The following LARP1 variants were observed in gnomAD, a reference collection of about 807,000 sequenced individuals.
LARP1 encodes la-related protein 1.
In LARP1, 36 loss-of-function variants were observed where a neutral mutation model predicts 122.7. That is an observed-to-expected ratio of 0.29 (90% CI 0.22 to 0.39). The LOEUF is 0.39. Among genes scored for constraint, LARP1 ranks in the 10% least tolerant of loss-of-function variants. The pLI is 1.00. For synonymous variants in LARP1, 539 were observed against 528.7 expected, an observed-to-expected ratio of 1.02 and a Z score of -0.27; for missense variants, 1,040 against 1,403.6, an observed-to-expected ratio of 0.74 and a Z score of 4.14.
Position 154,803,200 on chromosome 5 carries a change from C to T in LARP1, c.2110-90C>T. 2 of 1,564,272 alleles carry T rather than the reference C, an allele frequency of 1.3e-6. No individual in the cohort carries two copies. The highest frequency in any genetic ancestry group is 1.8e-6 in the Non-Finnish European group (2 of 1,139,386). On this transcript the variant is annotated intron_variant, in intron 11 of 18. Coordinates refer to ENST00000518297, the MANE Select transcript of LARP1 (RefSeq NM_033551.3). This position sits in a 1 kb window ranked among gnomAD's most constrained non-coding sequence, Gnocchi z 4.4. ...CGTATGTCGACGTGGGAGCTGCCCT[C>T]TCCAACTTCCTGCCAGTCTTGATTC...
intron 1 of LARP1, among the ~76,000 whole-genome samples, chr5:154,702,714 A>T (rs1042385794): frequency 6.6e-6 from 1 of 152,186 alleles, no homozygotes; most frequent in African/African-American, 2.4e-5. Context: ...ACATCCACTT[A>T]TTTGTCCTCT....
At chr5:154,790,196 A>C (rs1757231164) in intron 1 of LARP1, 129 bp from the exon 2 acceptor site, 1 of 690,174 alleles carries the variant, frequency 1.4e-6, no homozygotes, top group Admixed American at 2.5e-5. Context: ...TCCCCTCTCT[A>C]CTGTGTCTTT....
chr5:154,799,946 A>C lies in LARP1; in HGVS notation c.1620A>C (p.Thr540=). The C allele has an allele frequency of 6.2e-7, 1 of 1,614,136 alleles. No individual in the cohort carries two copies. Among genetic ancestry groups the C allele is most frequent in the Non-Finnish European group, 8.5e-7 (1 of 1,180,004 alleles). Residue 540 remains threonine, a synonymous_variant, in exon 10 of 19, where the codon ACA becomes ACC. Coordinates refer to ENST00000518297, the MANE Select transcript of LARP1 (RefSeq NM_033551.3). The part of the protein sequence containing the change: ...TKTEEVSNLK[T]LPKGLSASLP... ...CAGAGGAGGTCAGCAACCTAAAGAC[A>C]CTACCCAAGGGCCTGTCTGCCAGCC...
chr5:154,766,987 A>G (rs1443179369), intron 1 of LARP1, among the ~76,000 whole-genome samples: 3 of 152,230 alleles, frequency 2.0e-5, no homozygotes, highest in African/African-American at 7.2e-5. Context: ...CAGAAAGGAA[A>G]TAGGAGTTGT....
intron 10 of LARP1, among the ~76,000 whole-genome samples, 198 bp from the exon 11 acceptor site, chr5:154,801,809 T>A (rs1402241076): frequency 6.6e-6 from 1 of 152,222 alleles, no homozygotes. Context: ...TGGAGGAACC[T>A]GGACTTCTAT....
At chr5:154,775,739 G>GA (rs1755824811) in intron 1 of LARP1, among the ~76,000 whole-genome samples, 2 of 152,192 alleles carry the variant, frequency 1.3e-5, no homozygotes, top group Admixed American at 1.3e-4. Flanking sequence ...GCTTGATCTG[G>GA]AGCCTTTTGG....
intron 1 of LARP1, among the ~76,000 whole-genome samples, chr5:154,745,142 G>C (rs2113480910): frequency 6.6e-6 from 1 of 150,862 alleles, no homozygotes; most frequent in Admixed American, 6.6e-5. Flanking sequence ...TAGCCAGGAT[G>C]GTCTCGATCT....
intron 1 of LARP1, among the ~76,000 whole-genome samples, chr5:154,730,147 A>C (rs1358328233): frequency 6.6e-6 from 1 of 152,190 alleles, no homozygotes; most frequent in African/African-American, 2.4e-5. Flanking sequence ...TCCTACTTTT[A>C]TGACTTTCTT....
chr5:154,794,833 C>T (rs116193743), intron 7 of LARP1, among the ~76,000 whole-genome samples: 1,785 of 152,236 alleles, frequency 0.012, 6 homozygotes, highest in Non-Finnish European at 0.017. Context: ...GGAAGTCATA[C>T]AAGAAAATAA....
intron 3 of LARP1, among the ~76,000 whole-genome samples, chr5:154,791,510 C>T (rs1757354014): frequency 6.6e-6 from 1 of 152,220 alleles, no homozygotes; most frequent in African/African-American, 2.4e-5. Context: ...TCCCCAGCCC[C>T]CTAGCCTCTG....
chr5:154,812,505 G>GCCCCC (rs36105801), intron 18 of LARP1, among the ~76,000 whole-genome samples: 21 of 58,950 alleles, frequency 3.6e-4, no homozygotes, highest in African/African-American at 4.5e-4. Context: ...GGAAGTAAAA[G>GCCCCC]CCCCCCCCCC....
intron 1 of LARP1, among the ~76,000 whole-genome samples, chr5:154,734,392 T>C (rs1455007206): frequency 6.6e-6 from 1 of 152,182 alleles, no homozygotes; most frequent in Non-Finnish European, 1.5e-5. Context: ...TGAATTTTAA[T>C]TGTTTTAATA....
chr5:154,688,282 T>G (rs960944579), intron 1 of LARP1, among the ~76,000 whole-genome samples: 1 of 152,150 alleles, frequency 6.6e-6, no homozygotes, highest in Non-Finnish European at 1.5e-5. Context: ...AGTTTATTTT[T>G]TCTACATTTG....
intron 1 of LARP1, among the ~76,000 whole-genome samples, chr5:154,698,468 G>A (rs1754573148): frequency 6.6e-6 from 1 of 152,048 alleles, no homozygotes; most frequent in Non-Finnish European, 1.5e-5. Flanking sequence ...GTGGTGGCAG[G>A]CGCCTGTAAT....
Position 154,689,437 on chromosome 5 carries a change from T to C in LARP1, c.-180+6400T>C, listed in dbSNP as rs565339769. ...TTGCACTCCAGCCCAAACGACAGTG[T>C]GAAACTCTGTCTCAAAAAAATAAAA... On this transcript the variant is annotated intron_variant, in intron 1 of 18. Transcript: ENST00000687700. 1.4e-3 allele frequency among the ~76,000 whole-genome samples: 205 copies of C among 151,642 alleles called. 2 individuals are homozygous for C. The highest frequency in any genetic ancestry group is 4.7e-3 in the African/African-American group (194 of 41,352).
exon 1 of LARP1, chr5:154,713,112 G>A (rs147372506): frequency 6.2e-7 from 1 of 1,613,664 alleles, no homozygotes; most frequent in Non-Finnish European, 8.5e-7. Flanking sequence ...CCCTGTCCTG[G>A]CCCCCTTCAG....
intron 1 of LARP1, among the ~76,000 whole-genome samples, chr5:154,740,781 G>C (rs1468039515): frequency 6.6e-6 from 1 of 152,248 alleles, no homozygotes; most frequent in East Asian, 1.9e-4. Flanking sequence ...AGCACTTCAA[G>C]TGGAATCATG....
chr5:154,778,137 G>A (rs899245563), intron 1 of LARP1, among the ~76,000 whole-genome samples: 1 of 151,928 alleles, frequency 6.6e-6, no homozygotes, highest in African/African-American at 2.4e-5. Context: ...GTGGGCGCCT[G>A]TAGTCCCAGC....
Position 154,703,224 on chromosome 5 carries a change from G to A in LARP1, c.-180+20187G>A, listed in dbSNP as rs535518320. 1.8e-4 allele frequency among the ~76,000 whole-genome samples: 27 copies of A among 151,620 alleles called. No homozygotes were observed. In the South Asian group the frequency reaches 4.6e-3, roughly 26 times the overall value. ...CTTTTGTAAACGGATAGTTTTTCTA[G>A]GAGGCAGACTCTTTCTAAGAACAGC... On this transcript the variant is annotated intron_variant, in intron 1 of 18. Coordinates refer to the LARP1 transcript ENST00000687700.
Sources: gnomAD v4.1 joint callset for allele counts (sites outside exome capture counted in the v4.1 genomes callset) on GRCh38, gnomAD v4.1.1 for gene constraint, Gnocchi (gnomAD v3.1) non-coding constraint, MANE v1.5 for transcripts, NCBI Gene and HGNC (gene_info 2026-07-23, HGNC 2026-07-21) for gene names.